Variants in DST observed in about 807,000 individuals in gnomAD.
DST encodes dystonin, also known as bullous pemphigoid antigen.
In DST, 253 loss-of-function variants were observed where a neutral mutation model predicts 875.2. The observed-to-expected ratio is 0.29, with a 90% CI of 0.26 to 0.32. The LOEUF (loss-of-function observed/expected upper bound fraction) is 0.32, where lower values mean the gene tolerates loss of function less well. Ranked by LOEUF, DST falls within the 10% of genes least tolerant of loss-of-function variation. DST has a pLI of 1.00. For missense variants in DST, 8,287 were observed against 9,111.6 expected (o/e 0.91, Z 3.68); for synonymous variants, 3,124 against 3,197.1 (o/e 0.98, Z 0.77).
chr6:56,526,717 CT>C, intron 68 of DST, 150 bp from the exon 69 acceptor site: 2 of 634,846 alleles, frequency 3.2e-6, no homozygotes, highest in South Asian at 3.2e-5. Context: ...TTAAATAAAC[CT>C]TTTTTATCTA....
rs755666731 is a variant in DST, at chr6:56,592,238, A to G, written c.12847T>C (p.Ser4283Pro). Residue 4283 changes from serine (S) to proline (P), a missense_variant, in exon 49 of 104, where the codon TCT becomes CCT. Ser to Pro is a moderately conservative substitution (Grantham distance 74). Around this residue, in one of 10 missense-constraint regions of DST, gnomAD observed 1,513 missense variants for 1,677.8 expected, o/e 0.90. Transcript: ENST00000680361. ...TTGGGGTCCACCGCAATAGGTTCAG[A>G]TAAGTGTTTGCTCGCTGTGGCCTCA... ...ACEATASKHL[S>P]EPIAVDPKNL... is the part of the protein sequence containing the mutation. The G allele has an allele frequency of 1.1e-5, 18 of 1,613,520 alleles. No individual in the cohort carries two copies. Among genetic ancestry groups the G allele is most frequent in the East Asian group, 2.2e-5 (1 of 44,838 alleles).
At chr6:56,652,677 T>C (rs1041134887) in intron 10 of DST, among the ~76,000 whole-genome samples, 2 of 152,254 alleles carry the variant, frequency 1.3e-5, no homozygotes, top group South Asian at 2.1e-4. Flanking sequence ...GAAAATCTTA[T>C]ACTTTTATAT....
intron 22 of DST, among the ~76,000 whole-genome samples, chr6:56,638,692 G>A (rs2098848088): frequency 6.6e-6 from 1 of 152,088 alleles, no homozygotes; most frequent in African/African-American, 2.4e-5. Context: ...TTCCACTTCT[G>A]AATTTGAAAT....
intron 2 of DST, among the ~76,000 whole-genome samples, chr6:56,928,417 G>A (rs993340657): frequency 2.0e-5 from 3 of 152,142 alleles, no homozygotes; most frequent in African/African-American, 7.2e-5. Context: ...AAGGTGAGGT[G>A]AAGCTGGAAG....
At position 56,555,586 on chromosome 6, in the gene DST, G is replaced by C. The variant is rs2097400755; in HGVS notation, c.14895C>G (p.Asp4965Glu). ...GACTGCTGCTGAGTTTATTATCCAAGTCACTCAGTTTATCAGAAAGGCTTC... is the reference window on the plus strand; with the variant it reads ...GACTGCTGCTGAGTTTATTATCCAACTCACTCAGTTTATCAGAAAGGCTTC... ...LLRSLSDKLS[D>E]LDNKLSSSLA... The change falls in exon 60 of 104, where the codon GAC (aspartate) becomes GAG (glutamate). Residue 4965 changes from aspartate to glutamate, a missense_variant. Transcript: ENST00000680361. 3 of 1,613,974 alleles carry C rather than the reference G, an allele frequency of 1.9e-6. No homozygotes were observed. The highest frequency in any genetic ancestry group is 2.5e-6 in the Non-Finnish European group (3 of 1,179,898).
rs746923141 is a variant in DST, at chr6:56,618,658, A to G, written c.4930-4174T>C. On this transcript the variant is annotated intron_variant, in intron 36 of 103. Transcript: ENST00000680361. ...TAATGTTTGTTTCACAAAGCTTAGC[A>G]TTTTCTTGGGCTCTAGAGTTTTCTT... 3.1e-6 allele frequency: 5 copies of G among 1,613,968 alleles called. No individual in the cohort carries two copies. Among genetic ancestry groups the G allele is most frequent in the South Asian group, 1.1e-5 (1 of 91,054 alleles).
chr6:56,634,653 T>G (rs1391481183), intron 25 of DST, 37 bp from the exon 26 acceptor site: 1 of 1,613,042 alleles, frequency 6.2e-7, no homozygotes, highest in Non-Finnish European at 8.5e-7. Context: ...CTCAATGAGG[T>G]CACTGTTAAC....
At chr6:56,741,697 GT>G (rs1181505752) in intron 4 of DST, among the ~76,000 whole-genome samples, 1 of 152,054 alleles carries the variant, frequency 6.6e-6, no homozygotes, top group Non-Finnish European at 1.5e-5. Context: ...TCTCATAATG[GT>G]TCTTTATTTC....
intron 4 of DST, among the ~76,000 whole-genome samples, chr6:56,764,297 T>A (rs2099626917): frequency 1.3e-5 from 2 of 152,194 alleles, no homozygotes; most frequent in African/African-American, 4.8e-5. Flanking sequence ...CCAAAACGTT[T>A]TCTCTTCAAA....
chr6:56,873,567 C>A (rs1337950639), intron 3 of DST, among the ~76,000 whole-genome samples: 1 of 152,158 alleles, frequency 6.6e-6, no homozygotes, highest in East Asian at 1.9e-4. Flanking sequence ...TTTACAGCAA[C>A]ATAGACGGAA....
chr6:56,611,534 C>T lies in DST; in HGVS notation c.5121G>A (p.Gln1707=). 1 of 1,612,754 alleles carries T rather than the reference C, an allele frequency of 6.2e-7. No homozygotes were observed. The highest frequency in any genetic ancestry group is 8.5e-7 in the Non-Finnish European group (1 of 1,179,304). ...EQLSEALQTI[Q]LFLAKHGDKM... ...TGTCTCCATGTTTTGCCAAAAAAAG[C>T]TGTATAGTTTGAAGTGCTTCCGATA... Residue 1707 remains glutamine, a synonymous_variant, in exon 38 of 104, where the codon CAG becomes CAA. Transcript: ENST00000680361.
In DST at chr6:56,637,419, C is replaced by T. The variant is rs1365592027; in HGVS notation, c.2965-767G>A. On this transcript the variant is annotated intron_variant, in intron 22 of 103. Coordinates refer to ENST00000680361, the MANE Select transcript of DST (RefSeq NM_001374736.1). ...TCCTCCGATATGTTTTCTTTCGTGG[C>T]ACATTCATCTCTCCTTTCTCTGAAT... Among the ~76,000 whole-genome samples the T allele has an allele frequency of 2.0e-5, 3 of 152,124 alleles. No homozygotes were observed. The East Asian group carries it at 5.8e-4, about 29-fold the overall frequency.
Position 56,605,545 on chromosome 6 carries a change from T to C in DST, c.9083A>G (p.Asn3028Ser), listed in dbSNP as rs1371759364. 2 of 1,613,184 alleles carry C rather than the reference T, an allele frequency of 1.2e-6. No homozygotes were observed. Among genetic ancestry groups the C allele is most frequent in the Admixed American group, 1.7e-5 (1 of 59,962 alleles). ...ASVTDKDPQG[N>S]GSDLIKGRDG... The stretch of plus-strand genomic sequence containing the variant: ...TCTCCCTTTAATGAGATCGCTTCCA[T>C]TTCCTTGAGGATCTTTGTCAGTTAC... The change falls in exon 40 of 104, where the codon AAT becomes AGT. Residue 3028 changes from asparagine (N) to serine (S), a missense_variant. This residue lies in a region of DST where 3,138 missense variants were observed against 3,116.6 expected (regional missense o/e 1.01). Transcript: ENST00000680361.
chr6:56,740,008 T>A (rs1476425021), intron 4 of DST, among the ~76,000 whole-genome samples: 3 of 152,124 alleles, frequency 2.0e-5, no homozygotes, highest in African/African-American at 7.2e-5. Context: ...ATCACAGGCA[T>A]GCGCCAACAC....
Position 56,463,493 on chromosome 6 carries a change from A to G in DST, c.22959+72T>C, listed in dbSNP as rs144883191. The G allele has an allele frequency of 7.5e-5, 102 of 1,357,998 alleles. 1 individual carries two copies. In the East Asian group the frequency reaches 2.4e-3, roughly 32 times the overall value. The allele number at this position is 1,357,998 out of a possible 1,614,324, so 84.1% of individuals were successfully genotyped here. ...GGTCCTACAAATTCTAGGGCCCTAA[A>G]TAGAACATTCAAAAGTCTACTTGGG... On this transcript the variant is annotated intron_variant, in intron 101 of 103. Transcript: ENST00000680361.
At chr6:56,529,895 A>AATAGTACAT (rs1179524479) in intron 65 of DST, 79 bp downstream of exon 65, 53 of 1,546,566 alleles carry the variant, frequency 3.4e-5, no homozygotes, top group Non-Finnish European at 4.6e-5. Context: ...TAAACAAAAC[A>AATAGTACAT]ATAGTACATA....
At chr6:56,872,832 C>CCCCGCTT (rs5876523) in intron 3 of DST, among the ~76,000 whole-genome samples, 2 of 127,858 alleles carry the variant, frequency 1.6e-5, no homozygotes, top group Non-Finnish European at 3.3e-5. Context: ...TCCCCCCCCC[C>CCCCGCTT]TTTTTTTTTT....
rs144810945 is a variant in DST at position 56,482,187 on chromosome 6, TCA to T, written c.21403-11_21403-10del. 1,326 of 1,567,888 alleles carry T rather than the reference TCA, an allele frequency of 8.5e-4. No individual in the cohort carries two copies. The highest frequency in any genetic ancestry group is 2.5e-3 in the South Asian group (218 of 88,520). ...GAGTGGAATTCCTCTGCCTAAGAGT[TCA>T]CACACACACACACCCCAAACAAAAT... On this transcript the variant is annotated splice_polypyrimidine_tract_variant and intron_variant, in intron 89 of 103. Transcript: ENST00000680361.
chr6:56,879,304 C>T (rs1780924979), intron 3 of DST, among the ~76,000 whole-genome samples: 1 of 151,820 alleles, frequency 6.6e-6, no homozygotes, highest in African/African-American at 2.4e-5. Flanking sequence ...CCCGTCTCTA[C>T]TAAAAAATAC....
Sources: gnomAD v4.1 joint callset for allele counts (sites outside exome capture counted in the v4.1 genomes callset) on GRCh38, gnomAD v4.1.1 for gene constraint, gnomAD v4.1.1 regional missense constraint, MANE v1.5 for transcripts, NCBI Gene and HGNC (gene_info 2026-07-23, HGNC 2026-07-21) for gene names.